The following ZNF385B variants were observed in gnomAD, a reference collection of about 807,000 sequenced individuals.
The protein encoded by ZNF385B is zinc finger protein 533.
A neutral mutation model predicts 39.2 loss-of-function variants in ZNF385B; 23 were observed. The observed-to-expected ratio is 0.59, with a 90% CI of 0.42 to 0.83. The LOEUF is 0.83. Among genes scored for constraint, ZNF385B ranks in the 40% least tolerant of loss-of-function variants. ZNF385B has a pLI of 0.00. For synonymous variants in ZNF385B, 205 were observed against 222.6 expected, an observed-to-expected ratio of 0.92 and a Z score of 0.70; for missense variants, 552 against 598.9, an observed-to-expected ratio of 0.92 and a Z score of 0.82.
intron 1 of ZNF385B, among the ~76,000 whole-genome samples, chr2:179,837,694 C>A (rs1575580055): frequency 6.6e-6 from 1 of 152,294 alleles, no homozygotes; most frequent in African/African-American, 2.4e-5. Context: ...GCCCTCCTCA[C>A]AACAAAGTGC....
intron 3 of ZNF385B, among the ~76,000 whole-genome samples, chr2:179,655,808 G>A (rs1693696931): frequency 6.6e-6 from 1 of 152,092 alleles, no homozygotes; most frequent in South Asian, 2.1e-4. Context: ...AATAACATTC[G>A]AGGCAAAAGT....
At chr2:179,687,632 T>C (rs1190872997) in intron 3 of ZNF385B, among the ~76,000 whole-genome samples, 1 of 152,182 alleles carries the variant, frequency 6.6e-6, no homozygotes, top group Admixed American at 6.5e-5. Flanking sequence ...AAAGCGGGTA[T>C]CATGGGAACA....
intron 3 of ZNF385B, among the ~76,000 whole-genome samples, chr2:179,649,145 C>G (rs545621248): frequency 1.3e-5 from 2 of 152,142 alleles, no homozygotes; most frequent in Admixed American, 6.5e-5. Context: ...GAGGAAACAG[C>G]AGGAAACACA....
At chr2:179,707,743 G>A (rs576779917) in intron 3 of ZNF385B, among the ~76,000 whole-genome samples, 1 of 152,370 alleles carries the variant, frequency 6.6e-6, no homozygotes, top group East Asian at 1.9e-4. Context: ...AGACAAAGGA[G>A]CCAAAGGAAA....
intron 6 of ZNF385B, among the ~76,000 whole-genome samples, chr2:179,481,325 C>T (rs1344692148): frequency 6.6e-6 from 1 of 151,762 alleles, no homozygotes; most frequent in Non-Finnish European, 1.5e-5. Context: ...ATCCGGGCCC[C>T]TTTATTTCGA....
At chr2:179,538,401 T>G (rs11884072) in intron 4 of ZNF385B, among the ~76,000 whole-genome samples, 1 of 151,948 alleles carries the variant, frequency 6.6e-6, no homozygotes, top group African/African-American at 2.4e-5. Flanking sequence ...ACAACAACAC[T>G]TCATGGGAAG....
rs1559335731 is a variant in ZNF385B at position 179,493,635 on chromosome 2, GTATACA to G, written c.553-10207_553-10202del. ...TACGTACATATATGTATACGCATAT[GTATACA>G]CATATGCGTATACATATATGTATAT... is the stretch of plus-strand genomic sequence containing the variant. On this transcript the variant is annotated intron_variant, in intron 5 of 9. Coordinates refer to ENST00000410066, the MANE Select transcript of ZNF385B (RefSeq NM_152520.6). Among the ~76,000 whole-genome samples the G allele has an allele frequency of 8.2e-4, 87 of 106,068 alleles. 1 individual carries two copies. Among genetic ancestry groups the G allele is most frequent in the East Asian group, 6.4e-3 (18 of 2,806 alleles). The allele number at this position is 106,068 out of a possible 152,430, so 69.6% of individuals were successfully genotyped here.
At chr2:179,769,429 T>G in intron 3 of ZNF385B, 74 bp downstream of exon 3, 1 of 1,581,442 alleles carries the variant, frequency 6.3e-7, no homozygotes, top group South Asian at 1.1e-5. Flanking sequence ...TTAAGTCTTG[T>G]TCTAAATCCT....
chr2:179,745,596 T>G (rs1575409014), intron 3 of ZNF385B: 1 of 901,220 alleles, frequency 1.1e-6, no homozygotes, highest in African/African-American at 1.7e-5. Context: ...TTCAGATGTG[T>G]CAGCACAATG....
intron 1 of ZNF385B, among the ~76,000 whole-genome samples, chr2:179,784,842 T>C (rs980454346): frequency 6.6e-6 from 1 of 152,052 alleles, no homozygotes; most frequent in Non-Finnish European, 1.5e-5. Context: ...CCGGTGGAAG[T>C]ATAAAGTGGT....
intron 3 of ZNF385B, among the ~76,000 whole-genome samples, chr2:179,754,028 C>T (rs1702853093): frequency 6.6e-6 from 1 of 152,142 alleles, no homozygotes; most frequent in South Asian, 2.1e-4. Context: ...AAAGGGAATG[C>T]TTCCAGTTTT....
At chr2:179,789,175 T>C (rs1471892231) in intron 1 of ZNF385B, among the ~76,000 whole-genome samples, 1 of 152,014 alleles carries the variant, frequency 6.6e-6, no homozygotes, top group Non-Finnish European at 1.5e-5. Flanking sequence ...CCCTGGAAAA[T>C]AGTGAAAAAC....
intron 4 of ZNF385B, among the ~76,000 whole-genome samples, chr2:179,527,222 G>A (rs1331438871): frequency 6.6e-6 from 1 of 152,180 alleles, no homozygotes; most frequent in Non-Finnish European, 1.5e-5. Flanking sequence ...TTCCTTAATG[G>A]CAGTATATAT....
chr2:179,814,347 G>A (rs140905525), intron 1 of ZNF385B: 5 of 288,026 alleles, frequency 1.7e-5, no homozygotes, highest in Middle Eastern at 8.3e-4. Flanking sequence ...CTTCGGCCAC[G>A]GCTGGGACCC....
At chr2:179,518,694 G>T (rs2058269180) in intron 4 of ZNF385B, 56 bp from the exon 5 acceptor site, 1 of 1,106,650 alleles carries the variant, frequency 9.0e-7, no homozygotes, top group Non-Finnish European at 1.3e-6. Flanking sequence ...AGACAACAGT[G>T]TGAGCAAATA....
intron 4 of ZNF385B, among the ~76,000 whole-genome samples, chr2:179,531,702 G>T (rs13415364): frequency 0.59 from 89,382 of 151,904 alleles, 27,494 homozygotes; most frequent in Admixed American, 0.71. Context: ...TATAGTTAGA[G>T]CTGTTTCCCC....
At chr2:179,684,877 G>A (rs1697805466) in intron 3 of ZNF385B, among the ~76,000 whole-genome samples, 2 of 152,276 alleles carry the variant, frequency 1.3e-5, no homozygotes, top group South Asian at 4.1e-4. Context: ...TAAAATTTTA[G>A]GCACTTTAAG....
At chr2:179,563,713 A>C (rs896746358) in intron 3 of ZNF385B, among the ~76,000 whole-genome samples, 1 of 152,172 alleles carries the variant, frequency 6.6e-6, no homozygotes, top group African/African-American at 2.4e-5. Context: ...ATAGTATGCT[A>C]GCTCTATACT....
At position 179,591,663 on chromosome 2, in the gene ZNF385B, AACTTTCTCT is replaced by A. The variant is rs1316023716; in HGVS notation, c.299-46703_299-46695del. On this transcript the variant is annotated intron_variant, in intron 3 of 9. Transcript: ENST00000410066. ...TTCAGGGTAGAGAGTAAAGCCACTG[AACTTTCTCT>A]CTCTGCTTGGTTTATACTTTGCCTA... Among the ~76,000 whole-genome samples the A allele has an allele frequency of 6.6e-5, 10 of 152,308 alleles. No individual in the cohort carries two copies. The East Asian group carries it at 1.9e-3, about 29-fold the overall frequency.
Sources: allele counts gnomAD v4.1 joint callset (sites outside exome capture counted in the v4.1 genomes callset), GRCh38; gene constraint gnomAD v4.1.1; transcripts MANE v1.5; gene names NCBI Gene and HGNC (gene_info 2026-07-23, HGNC 2026-07-21).